LRRIQ1: variants seen among roughly 807,000 people sequenced by gnomAD.
LRRIQ1 encodes the protein leucine-rich repeat- and IQ domain-containing protein 1.
Under a neutral mutation model 211.9 loss-of-function variants are expected in LRRIQ1, and 210 were observed. The observed-to-expected ratio is 0.99, with a 90% confidence interval of 0.89 to 1.11. LRRIQ1 has a LOEUF of 1.11. LRRIQ1 is among the 50% of genes most tolerant of loss of function. The pLI, the probability that LRRIQ1 is intolerant of heterozygous loss-of-function variation, is 0.00. For synonymous variants in LRRIQ1, 699 were observed against 650.1 expected (o/e 1.08, Z -1.14); for missense variants, 2,136 against 1,939.5 (o/e 1.10, Z -1.90).
At chr12:85,174,415 G>T (rs975293781) in intron 24 of LRRIQ1, among the ~76,000 whole-genome samples, 2 of 151,740 alleles carry the variant, frequency 1.3e-5, no homozygotes, top group Non-Finnish European at 2.9e-5. Flanking sequence ...AGAGATCCAG[G>T]CCCGAAGCAG....
At chr12:85,095,924 C>A (rs1170524874) in intron 11 of LRRIQ1, among the ~76,000 whole-genome samples, 2 of 151,894 alleles carry the variant, frequency 1.3e-5, no homozygotes. Flanking sequence ...TGTATATTTT[C>A]TTGTTTGTGT....
chr12:85,099,672 G>C (rs1405738871), intron 13 of LRRIQ1, among the ~76,000 whole-genome samples: 1 of 151,714 alleles, frequency 6.6e-6, no homozygotes, highest in African/African-American at 2.4e-5. Flanking sequence ...AAGGCACAAG[G>C]AGTAGGGGAA....
At chr12:85,218,596 C>A (rs1040265386) in intron 24 of LRRIQ1, among the ~76,000 whole-genome samples, 4 of 151,934 alleles carry the variant, frequency 2.6e-5, no homozygotes, top group Admixed American at 6.6e-5. Context: ...TAGGCAGATA[C>A]AAAGATGGAT....
At chr12:85,248,278 A>G (rs1336895289), downstream of LRRIQ1, among the ~76,000 whole-genome samples, 1 of 151,690 alleles carries the variant, frequency 6.6e-6, no homozygotes, top group Non-Finnish European at 1.5e-5. Context: ...CTTTTCACAC[A>G]AAAATTAGCA....
intron 23 of LRRIQ1, among the ~76,000 whole-genome samples, chr12:85,159,108 A>G (rs1400446185): frequency 6.6e-6 from 1 of 152,012 alleles, no homozygotes; most frequent in East Asian, 1.9e-4. Flanking sequence ...CTCTTGGAGA[A>G]TAAAATTATT....
At position 85,072,907 on chromosome 12, in the gene LRRIQ1, G is replaced by A. The variant is rs149900932; in HGVS notation, c.2696G>A (p.Gly899Glu). 2.5e-6 allele frequency: 4 copies of A among 1,605,490 alleles called. No individual in the cohort carries two copies. The African/African-American group carries it at 5.4e-5, about 22-fold the overall frequency. The change falls in exon 11 of 27, where the codon GGA becomes GAA. Residue 899 changes from glycine (G) to glutamate (E), a missense_variant and splice_region_variant. By Grantham distance (98) the Gly-to-Glu change is moderately conservative. Coordinates refer to ENST00000393217, the MANE Select transcript of LRRIQ1 (RefSeq NM_001079910.2). ...ELSYNKITRI[G>E]YSFFLEEKLV... ...GTCTTAATTCTGTCATCCTACTCAG[G>A]ATATTCCTTCTTTCTGGAAGAAAAA...
chr12:85,173,596 A>G (rs1053611069), intron 24 of LRRIQ1, among the ~76,000 whole-genome samples: 8 of 151,812 alleles, frequency 5.3e-5, no homozygotes, highest in Admixed American at 3.3e-4. Flanking sequence ...TCAGAAAGCT[A>G]GAGACTACAC....
At chr12:85,128,334 TCAAGCCTGTAATACCAGCA>T (rs1282747460) in intron 18 of LRRIQ1, among the ~76,000 whole-genome samples, 1 of 152,150 alleles carries the variant, frequency 6.6e-6, no homozygotes, top group African/African-American at 2.4e-5. Context: ...ATGTGGTGGC[TCAAGCCTGTAATACCAGCA>T]CTTTGGGAGG....
intron 14 of LRRIQ1, among the ~76,000 whole-genome samples, chr12:85,105,192 G>A (rs949754199): frequency 6.6e-6 from 1 of 151,880 alleles, no homozygotes; most frequent in Non-Finnish European, 1.5e-5. Flanking sequence ...TTTTCTAAAT[G>A]GTATATTTAG....
At position 85,236,753 on chromosome 12, in the gene LRRIQ1, T is replaced by G. The variant is rs898973772; in HGVS notation, c.5016+3997T>G. Among the ~76,000 whole-genome samples, 5 of 149,658 alleles carry G rather than the reference T, an allele frequency of 3.3e-5. No homozygotes were observed. The East Asian group carries it at 7.8e-4, about 23-fold the overall frequency. On this transcript the variant is annotated intron_variant, in intron 26 of 26. Transcript: ENST00000393217. ...TTTTGGATACATATATATATTTGGATATATATATATGTATTTCTGGATATA... is the reference window on the plus strand; with the variant it reads ...TTTTGGATACATATATATATTTGGAGATATATATATGTATTTCTGGATATA...
At chr12:85,177,942 G>A (rs1037058443) in intron 24 of LRRIQ1, among the ~76,000 whole-genome samples, 6 of 152,066 alleles carry the variant, frequency 3.9e-5, no homozygotes, top group Non-Finnish European at 7.4e-5. Context: ...TACCAAGTAT[G>A]AGTATGTGCA....
In LRRIQ1 at chr12:85,047,301, CTT is replaced by C. The variant is rs1879721528; in HGVS notation, c.512_513del (p.Phe171Ter). 1 of 1,611,336 alleles carries C rather than the reference CTT, an allele frequency of 6.2e-7. No homozygotes were observed. The highest frequency in any genetic ancestry group is 1.3e-5 in the African/African-American group (1 of 74,630). On this transcript the variant is annotated frameshift_variant, in exon 6 of 27. Coordinates refer to ENST00000393217, the MANE Select transcript of LRRIQ1 (RefSeq NM_001079910.2). LOFTEE classifies it high-confidence loss of function. ...GAAGTGGAAGAAAAATGTAGACAGT[CTT>C]TTGAGGCTTGGCAAGAGAAACAGAA...
intron 24 of LRRIQ1, among the ~76,000 whole-genome samples, chr12:85,181,772 A>G (rs752745472): frequency 1.8e-4 from 28 of 152,010 alleles, no homozygotes; most frequent in Non-Finnish European, 3.4e-4. Flanking sequence ...CTGCACATGT[A>G]CATACATACA....
chr12:85,231,451 G>A (rs1057150740), intron 25 of LRRIQ1, among the ~76,000 whole-genome samples: 6 of 152,268 alleles, frequency 3.9e-5, no homozygotes, highest in African/African-American at 1.2e-4. Context: ...TTGTTATTAA[G>A]CGATTTAATT....
rs1211708680 is a variant in LRRIQ1, at chr12:85,065,414, G to A, written c.2544G>A (p.Gln848=). 1 of 1,600,664 alleles carries A rather than the reference G, an allele frequency of 6.2e-7. No homozygotes were observed. The highest frequency in any genetic ancestry group is 8.5e-7 in the Non-Finnish European group (1 of 1,172,776). ...AAAAACTTAAGTACATTGATGCACAGGTATGCTCTCTGCCCTACTGTTATT... is the reference window on the plus strand; with the variant it reads ...AAAAACTTAAGTACATTGATGCACAAGTATGCTCTCTGCCCTACTGTTATT... ...NCKKLKYIDA[Q]ENHIEAIECE... The change falls in exon 9 of 27, where the codon CAG becomes CAA. Residue 848 remains glutamine (Q), a splice_region_variant and synonymous_variant. Transcript: ENST00000393217.
chr12:85,046,036 A>C lies in LRRIQ1; in HGVS notation c.353A>C (p.Glu118Ala). 6.2e-7 allele frequency: 1 copy of C among 1,606,200 alleles called. No individual in the cohort carries two copies. The highest frequency in any genetic ancestry group is 8.5e-7 in the Non-Finnish European group (1 of 1,173,910). Reference sequence around the variant, plus strand: ...ACCTCTTAGATATTATCTGAAATAGAAAAAGAAGAATTTATGAGAAGTAAA... The same window carrying C: ...ACCTCTTAGATATTATCTGAAATAGCAAAAGAAGAATTTATGAGAAGTAAA... ...EQLIKILSEI[E>A]KEEFMRSKTD... The change falls in exon 5 of 27, where the codon GAA (glutamate) becomes GCA (alanine). Residue 118 changes from glutamate to alanine, a missense_variant. Glu to Ala is a moderately radical substitution (Grantham distance 107). Transcript: ENST00000393217.
chr12:85,174,828 A>G (rs1421534584), intron 24 of LRRIQ1, among the ~76,000 whole-genome samples: 1 of 152,024 alleles, frequency 6.6e-6, no homozygotes, highest in Non-Finnish European at 1.5e-5. Flanking sequence ...CTAAAGGACC[A>G]TTTTCCAGGC....
At chr12:85,065,803 C>A (rs1362733253) in intron 9 of LRRIQ1, among the ~76,000 whole-genome samples, 6 of 151,846 alleles carry the variant, frequency 4.0e-5, no homozygotes. Flanking sequence ...TATGTAACTG[C>A]AGTGAGATGG....
At chr12:85,166,643 T>C (rs1013432788) in intron 24 of LRRIQ1, among the ~76,000 whole-genome samples, 2 of 152,238 alleles carry the variant, frequency 1.3e-5, no homozygotes, top group East Asian at 1.9e-4. Flanking sequence ...TTTCCCTAGC[T>C]GTTTATAGTA....
Sources: gnomAD v4.1 joint callset for allele counts (sites outside exome capture counted in the v4.1 genomes callset) on GRCh38, gnomAD v4.1.1 for gene constraint, MANE v1.5 for transcripts, NCBI Gene and HGNC (gene_info 2026-07-23, HGNC 2026-07-21) for gene names.